The following BCAR3 variants were observed in gnomAD, a reference collection of about 807,000 sequenced individuals.
BCAR3 encodes the protein BCAR3 adaptor protein, NSP family member, also known as breast cancer anti-estrogen resistance protein 3.
A neutral mutation model predicts 80.1 loss-of-function variants in BCAR3; 37 were observed. The observed-to-expected ratio is 0.46, with a 90% CI of 0.36 to 0.61. The LOEUF is 0.61. Among genes scored for constraint, BCAR3 ranks in the 20% least tolerant of loss-of-function variants. The pLI, the probability that BCAR3 is intolerant of heterozygous loss-of-function variation, is 0.00. For synonymous variants in BCAR3, 389 were observed against 418.9 expected, an observed-to-expected ratio of 0.93 and a Z score of 0.87; for missense variants, 978 against 1,068.2, an observed-to-expected ratio of 0.92 and a Z score of 1.18.
chr1:93,820,375 C>G (rs115573485), intron 2 of BCAR3, among the ~76,000 whole-genome samples: 2,386 of 152,274 alleles, frequency 0.016, 54 homozygotes, highest in African/African-American at 0.055. Context: ...AACTGACCCC[C>G]ACTTCAGATG....
chr1:93,760,234 G>C (rs57962863), intron 2 of BCAR3, among the ~76,000 whole-genome samples: 1 of 152,056 alleles, frequency 6.6e-6, no homozygotes, highest in South Asian at 2.1e-4. Context: ...GAGACAAATA[G>C]GGGAAGGGAG....
intron 2 of BCAR3, among the ~76,000 whole-genome samples, chr1:93,737,018 A>T (rs988766395): frequency 1.3e-5 from 2 of 152,222 alleles, no homozygotes; most frequent in Non-Finnish European, 2.9e-5. Context: ...CTGAGTTTTA[A>T]GAAGCTCTCC....
At chr1:93,625,216 T>C (rs899406624) in intron 3 of BCAR3, among the ~76,000 whole-genome samples, 2 of 152,196 alleles carry the variant, frequency 1.3e-5, no homozygotes, top group East Asian at 1.9e-4. Flanking sequence ...ATCTCAAAAA[T>C]AAAAGAGTCA....
chr1:93,591,511 C>T (rs1014861304), intron 4 of BCAR3, among the ~76,000 whole-genome samples: 3 of 151,970 alleles, frequency 2.0e-5, no homozygotes, highest in African/African-American at 4.8e-5. Context: ...TGATGCCCTT[C>T]CCCCCAGCCC....
rs1388532322 is a variant in BCAR3 at position 93,637,662 on chromosome 1, A to C, written c.357+4642T>G. ...TGGGGTAACTTCCACTCTTCTGGGA[A>C]CATGGTGGTGGCAGTTATGATCCAT... On this transcript the variant is annotated intron_variant, in intron 3 of 11. Transcript: ENST00000260502. Among the ~76,000 whole-genome samples, 3 of 152,234 alleles carry C rather than the reference A, an allele frequency of 2.0e-5. No homozygotes were observed. In the East Asian group the frequency reaches 5.8e-4, roughly 29 times the overall value.
chr1:93,564,685 T>C (rs1245365260), intron 11 of BCAR3, among the ~76,000 whole-genome samples: 3 of 152,260 alleles, frequency 2.0e-5, no homozygotes, highest in Non-Finnish European at 1.5e-5. Context: ...TTTTGGATTA[T>C]TGTGTATGGT....
intron 2 of BCAR3, among the ~76,000 whole-genome samples, chr1:93,721,667 C>T (rs759719159): frequency 1.2e-4 from 19 of 152,216 alleles, no homozygotes; most frequent in Admixed American, 1.1e-3. Flanking sequence ...CCTCACCAAG[C>T]CCATTCTCGT....
At chr1:93,679,490 T>A (rs1323234295) in intron 1 of BCAR3, among the ~76,000 whole-genome samples, 3 of 152,164 alleles carry the variant, frequency 2.0e-5, no homozygotes, top group East Asian at 1.9e-4. Context: ...CTACATGCAG[T>A]CTTTAGAAAA....
chr1:93,686,543 C>T (rs1297191840), upstream of BCAR3, among the ~76,000 whole-genome samples: 1 of 152,172 alleles, frequency 6.6e-6, no homozygotes, highest in Non-Finnish European at 1.5e-5. Context: ...CGATACTTGC[C>T]CCATTTCACA....
intron 3 of BCAR3, among the ~76,000 whole-genome samples, chr1:93,613,603 T>C (rs1338513253): frequency 2.0e-5 from 3 of 152,200 alleles, no homozygotes; most frequent in Non-Finnish European, 4.4e-5. Flanking sequence ...TACAGAGAAC[T>C]GAAAGTGTCC....
chr1:93,662,030 A>G (rs1296831426), intron 2 of BCAR3, among the ~76,000 whole-genome samples: 1 of 152,234 alleles, frequency 6.6e-6, no homozygotes, highest in Non-Finnish European at 1.5e-5. Flanking sequence ...ACGAATACAG[A>G]AGAATGTTAG....
At chr1:93,763,027 G>A (rs904109972) in intron 2 of BCAR3, among the ~76,000 whole-genome samples, 5 of 152,138 alleles carry the variant, frequency 3.3e-5, no homozygotes, top group African/African-American at 1.2e-4. Flanking sequence ...ATACAATCAT[G>A]TCATGATCTA....
At chr1:93,624,032 C>A (rs971405909) in intron 3 of BCAR3, among the ~76,000 whole-genome samples, 1 of 152,162 alleles carries the variant, frequency 6.6e-6, no homozygotes, top group Non-Finnish European at 1.5e-5. Flanking sequence ...TAACAATACA[C>A]GAATTTGCCT....
At chr1:93,568,992 T>A (rs1159847577) in intron 9 of BCAR3, among the ~76,000 whole-genome samples, 1 of 152,126 alleles carries the variant, frequency 6.6e-6, no homozygotes, top group Non-Finnish European at 1.5e-5. Context: ...TGCTACTCAT[T>A]TCTTTTCTTC....
intron 2 of BCAR3, among the ~76,000 whole-genome samples, chr1:93,722,532 C>T (rs1014278625): frequency 6.6e-6 from 1 of 152,172 alleles, no homozygotes; most frequent in African/African-American, 2.4e-5. Flanking sequence ...CTGTGGGGCT[C>T]TGAGGGACGC....
At chr1:93,582,134 G>C (rs538829414) in intron 7 of BCAR3, among the ~76,000 whole-genome samples, 167 bp downstream of exon 7, 1 of 152,314 alleles carries the variant, frequency 6.6e-6, no homozygotes, top group Admixed American at 6.5e-5. Context: ...TCCCATGCTG[G>C]TGTTATCTTC....
intron 2 of BCAR3, among the ~76,000 whole-genome samples, chr1:93,643,452 A>G (rs1676054044): frequency 6.9e-6 from 1 of 145,184 alleles, no homozygotes; most frequent in Non-Finnish European, 1.5e-5. Context: ...AGGCTGAGGC[A>G]GGAGAATTGC....
At chr1:93,687,274 G>T (rs894642570) in intron 3 of BCAR3, among the ~76,000 whole-genome samples, 7 of 151,996 alleles carry the variant, frequency 4.6e-5, no homozygotes, top group African/African-American at 1.7e-4. Flanking sequence ...CCACAACCAG[G>T]CTTCATCTAA....
At chr1:93,691,213 C>T (rs1649173989) in intron 3 of BCAR3, among the ~76,000 whole-genome samples, 2 of 152,182 alleles carry the variant, frequency 1.3e-5, no homozygotes, top group Non-Finnish European at 2.9e-5. Flanking sequence ...CAGTGTGGGG[C>T]TATCAGGGTT....
Sources: gnomAD v4.1 joint callset for allele counts (sites outside exome capture counted in the v4.1 genomes callset) on GRCh38, gnomAD v4.1.1 for gene constraint, MANE v1.5 for transcripts, NCBI Gene and HGNC (gene_info 2026-07-23, HGNC 2026-07-21) for gene names.